DAPK2: variants seen among roughly 807,000 people sequenced by gnomAD.
DAPK2 encodes the protein death-associated protein kinase 2.
DAPK2 carries 35 observed loss-of-function variants against 44.1 expected under a neutral mutation model. That is an observed-to-expected ratio of 0.79 (90% CI 0.61 to 1.05). The LOEUF is 1.05. Ranked by LOEUF, DAPK2 falls within the 50% of genes least tolerant of loss-of-function variation. DAPK2 has a pLI of 0.00. For missense variants in DAPK2, 453 were observed against 483.2 expected (o/e 0.94, Z 0.59); for synonymous variants, 174 against 182.6 (o/e 0.95, Z 0.38).
chr15:63,946,952 T>A (rs1447420157), intron 3 of DAPK2, among the ~76,000 whole-genome samples: 1 of 152,158 alleles, frequency 6.6e-6, no homozygotes, highest in Non-Finnish European at 1.5e-5. Context: ...GGTGCTCAGC[T>A]CCCTGTCCTC....
intron 1 of DAPK2, among the ~76,000 whole-genome samples, chr15:63,994,651 T>A (rs2140929309): frequency 6.8e-6 from 1 of 146,236 alleles, no homozygotes; most frequent in East Asian, 2.0e-4. Context: ...GTGCAATGGC[T>A]CCATCTCGGC....
rs538002907 is a variant in DAPK2 at position 63,908,118 on chromosome 15, T to C, written c.*402A>G. On this transcript the variant is annotated 3_prime_UTR_variant, in exon 11 of 11. Coordinates refer to ENST00000261891, the Ensembl canonical transcript of DAPK2. The surrounding 1 kb of genome is among the most constrained non-coding windows in gnomAD (Gnocchi z 5.7). ...CCTGTTCCCAATGGGGAGGACTCTG[T>C]CTCTCTGGTGTAATTTTTGGCCAGG... 9.0e-4 allele frequency: 140 copies of C among 155,372 alleles called. 1 individual carries two copies. The highest frequency in any genetic ancestry group is 6.3e-4 in the Non-Finnish European group (44 of 70,304). The allele number at this position is 155,372 out of a possible 1,614,324, so 9.6% of individuals were successfully genotyped here. A position where few individuals can be genotyped will look rare whatever the true frequency, so the allele number is the denominator to read the frequency against.
chr15:64,013,203 G>A lies in DAPK2; in HGVS notation c.92+26967C>T, dbSNP rs544520064. ...AAGCAGTCACAATAACATTTTGGTT[G>A]TTCTGTAAAATGAGACCAGTCTAAC... On this transcript the variant is annotated intron_variant, in intron 1 of 10. Transcript: ENST00000261891. The surrounding 1 kb of genome is among the most constrained non-coding windows in gnomAD (Gnocchi z 4.7). Among the ~76,000 whole-genome samples the A allele has an allele frequency of 5.3e-4, 81 of 152,312 alleles. No individual in the cohort carries two copies. Among genetic ancestry groups the A allele is most frequent in the African/African-American group, 1.7e-3 (72 of 41,570 alleles).
At chr15:63,969,407 G>A (rs1341985261) in intron 3 of DAPK2, among the ~76,000 whole-genome samples, 1 of 151,034 alleles carries the variant, frequency 6.6e-6, no homozygotes, top group Non-Finnish European at 1.5e-5. Context: ...GTGACAGAGT[G>A]AGACCCTGTC....
chr15:63,948,237 T>C (rs2899697), intron 3 of DAPK2, among the ~76,000 whole-genome samples: 43,496 of 127,888 alleles, frequency 0.34, 7,361 homozygotes, highest in Admixed American at 0.43. Flanking sequence ...CACCACTGCA[T>C]TCCAGCCTGC....
intron 5 of DAPK2, 100 bp from the exon 7 acceptor site, chr15:63,929,677 C>T: frequency 7.1e-7 from 1 of 1,400,688 alleles, no homozygotes; most frequent in Non-Finnish European, 1.0e-6. Flanking sequence ...CACTTGCCTC[C>T]TCCACAGCAG....
intron 1 of DAPK2, among the ~76,000 whole-genome samples, chr15:64,032,409 G>A (rs1186059804): frequency 6.6e-6 from 1 of 152,226 alleles, no homozygotes; most frequent in Non-Finnish European, 1.5e-5. Flanking sequence ...CTCTGTCTCA[G>A]TGCTGCAGTG....
At chr15:64,019,899 C>CAGAG (rs2079636135) in intron 1 of DAPK2, among the ~76,000 whole-genome samples, 3 of 152,338 alleles carry the variant, frequency 2.0e-5, no homozygotes, top group Admixed American at 1.3e-4. Context: ...CTTCTATCCT[C>CAGAG]TGAGTGAGTT....
chr15:63,907,821 A>T (rs994733337), exon 11 of DAPK2: 4 of 152,322 alleles, frequency 2.6e-5, no homozygotes, highest in African/African-American at 9.7e-5. Flanking sequence ...GGACCTTCTG[A>T]GATTCTGCCC....
chr15:64,000,165 G>GACT (rs1014582154), intron 1 of DAPK2, among the ~76,000 whole-genome samples: 42 of 143,704 alleles, frequency 2.9e-4, no homozygotes, highest in East Asian at 1.4e-3. Context: ...GCACTTGCCT[G>GACT]ACTACTACTA....
At chr15:63,934,623 T>G (rs2077085497) in intron 4 of DAPK2, among the ~76,000 whole-genome samples, 1 of 152,152 alleles carries the variant, frequency 6.6e-6, no homozygotes, top group South Asian at 2.1e-4. Context: ...AGTGGTGTTA[T>G]CTCAGCTCTG....
intron 1 of DAPK2, among the ~76,000 whole-genome samples, chr15:64,014,849 G>T (rs778928717): frequency 6.6e-6 from 1 of 151,722 alleles, no homozygotes; most frequent in Non-Finnish European, 1.5e-5. Context: ...GAACCTGGGA[G>T]GTGGAGGTTG....
intron 1 of DAPK2, 124 bp downstream of exon 2, chr15:64,040,046 G>A: frequency 1.4e-6 from 1 of 717,262 alleles, no homozygotes; most frequent in South Asian, 1.7e-5. Flanking sequence ...TAATCCTCAG[G>A]CTCATTTTTA....
chr15:63,982,403 C>A (rs547753286), intron 2 of DAPK2, among the ~76,000 whole-genome samples: 49 of 152,144 alleles, frequency 3.2e-4, no homozygotes, highest in South Asian at 8.3e-4. Flanking sequence ...GTTAGCCAGG[C>A]TGGTCTCAAA....
At chr15:63,982,098 C>T (rs2078532261) in intron 2 of DAPK2, among the ~76,000 whole-genome samples, 1 of 152,056 alleles carries the variant, frequency 6.6e-6, no homozygotes, top group African/African-American at 2.4e-5. Context: ...AGGTGACTTG[C>T]CCAAGGGCAC....
intron 3 of DAPK2, among the ~76,000 whole-genome samples, chr15:63,946,269 G>C (rs915743407): frequency 3.9e-5 from 6 of 152,244 alleles, no homozygotes; most frequent in African/African-American, 1.4e-4. Flanking sequence ...TGTCCGGTGG[G>C]GCACCCATGG....
intron 1 of DAPK2, among the ~76,000 whole-genome samples, chr15:64,018,113 C>A (rs1247378502): frequency 6.6e-6 from 1 of 152,194 alleles, no homozygotes; most frequent in Non-Finnish European, 1.5e-5. Flanking sequence ...AAACATACAT[C>A]CTTTCTCTTA....
At chr15:63,971,439 G>C in exon 3 of DAPK2, 1 of 1,614,196 alleles carries the variant, frequency 6.2e-7, no homozygotes, top group South Asian at 1.1e-5. Flanking sequence ...ATCAAAGTGA[G>C]CAATTTTCTT....
Position 63,966,228 on chromosome 15 carries a change from G to T in DAPK2, c.453+5195C>A, listed in dbSNP as rs151121412. 1.3e-5 allele frequency among the ~76,000 whole-genome samples: 2 copies of T among 152,380 alleles called. No homozygotes were observed. Among genetic ancestry groups the T allele is most frequent in the Non-Finnish European group, 2.9e-5 (2 of 68,040 alleles). On this transcript the variant is annotated intron_variant, in intron 3 of 10. Transcript: ENST00000261891. This position sits in a 1 kb window ranked among gnomAD's most constrained non-coding sequence, Gnocchi z 5.5. ...GAGAGTGTCTAGAAATGTTGTCTGA[G>T]ATCTAGGGCCTGGAATGGGGGCCTC...
Sources: gnomAD v4.1 joint callset for allele counts (sites outside exome capture counted in the v4.1 genomes callset) on GRCh38, gnomAD v4.1.1 for gene constraint, Gnocchi (gnomAD v3.1) non-coding constraint, MANE v1.5 for transcripts, NCBI Gene and HGNC (gene_info 2026-07-23, HGNC 2026-07-21) for gene names.